The following EDN1 variants were observed in gnomAD, a reference collection of about 807,000 sequenced individuals.
The protein encoded by EDN1 is endothelin 1.
EDN1 carries 11 observed loss-of-function variants against 21.7 expected under a neutral mutation model. The ratio of observed to expected loss-of-function variants is 0.51; its 90% CI spans 0.32 to 0.84. The LOEUF (loss-of-function observed/expected upper bound fraction) is 0.84, where lower values mean the gene tolerates loss of function less well. EDN1 is among the 40% of genes least tolerant of loss of function. The pLI is 0.03. For missense variants in EDN1, 244 were observed against 262.3 expected, an observed-to-expected ratio of 0.93 and a Z score of 0.48; for synonymous variants, 85 against 90.6, an observed-to-expected ratio of 0.94 and a Z score of 0.35.
the EDN1 span, among the ~76,000 whole-genome samples, chr6:12,249,672 C>A: frequency 2.0e-5 from 3 of 151,838 alleles, no homozygotes; most frequent in Non-Finnish European, 4.4e-5. Flanking sequence ...TTCATTTCAT[C>A]ATTTTATGGC....
chr6:12,249,077 G>A, the EDN1 span, among the ~76,000 whole-genome samples: 2 of 152,144 alleles, frequency 1.3e-5, no homozygotes, highest in African/African-American at 2.4e-5. Context: ...TTAAACTTTA[G>A]TGTTTCTATG....
chr6:12,294,448 C>A, intron 4 of EDN1, 44 bp downstream of exon 4: 1 of 1,610,446 alleles, frequency 6.2e-7, no homozygotes, highest in Non-Finnish European at 8.5e-7. Context: ...TTCACAAGAA[C>A]AACTAGCCCC....
chr6:12,256,386 C>G, the EDN1 span, among the ~76,000 whole-genome samples: 2 of 151,894 alleles, frequency 1.3e-5, no homozygotes, highest in African/African-American at 4.8e-5. Flanking sequence ...CAAAAGACCC[C>G]CCGCCCCCTA....
intron 4 of EDN1, among the ~76,000 whole-genome samples, chr6:12,294,849 G>T (rs537108707): frequency 1.3e-5 from 2 of 150,618 alleles, no homozygotes; most frequent in East Asian, 3.9e-4. Context: ...TATTCAGATG[G>T]CCAAAGGAAA....
Position 12,296,162 on chromosome 6 carries a change from A to G in EDN1, c.*95A>G. 9.0e-7 allele frequency: 1 copy of G among 1,111,182 alleles called. No homozygotes were observed. Among genetic ancestry groups the G allele is most frequent in the Admixed American group, 1.7e-5 (1 of 58,788 alleles). The allele number at this position is 1,111,182 out of a possible 1,614,324, so 68.8% of individuals were successfully genotyped here. On this transcript the variant is annotated 3_prime_UTR_variant, in exon 5 of 5. Coordinates refer to ENST00000379375, the MANE Select transcript of EDN1 (RefSeq NM_001955.5). ...CCCTGGCTGGGATCAGAGCAGGAGCATCCTCTGCTGGTTCCTGACTGGCAA... is the reference window on the plus strand; with the variant it reads ...CCCTGGCTGGGATCAGAGCAGGAGCGTCCTCTGCTGGTTCCTGACTGGCAA...
chr6:12,242,445 C>T, the EDN1 span, among the ~76,000 whole-genome samples: 1 of 152,202 alleles, frequency 6.6e-6, no homozygotes, highest in Non-Finnish European at 1.5e-5. Flanking sequence ...TACTTTGTGA[C>T]TGTGTAGCCC....
At chr6:12,261,816 T>C in the EDN1 span, among the ~76,000 whole-genome samples, 1 of 152,134 alleles carries the variant, frequency 6.6e-6, no homozygotes, top group Non-Finnish European at 1.5e-5. Flanking sequence ...AGAAGACATA[T>C]GGTTACAGTT....
the EDN1 span, among the ~76,000 whole-genome samples, chr6:12,251,949 T>C: frequency 6.6e-6 from 1 of 152,190 alleles, no homozygotes. Context: ...GCTTGACTCA[T>C]ATCTCCTTGT....
chr6:12,261,256 A>C, the EDN1 span, among the ~76,000 whole-genome samples: 1 of 152,186 alleles, frequency 6.6e-6, no homozygotes, highest in Non-Finnish European at 1.5e-5. Context: ...CAAGCGACTA[A>C]AACTGAAGTA....
chr6:12,294,059 A>C lies in EDN1; in HGVS notation c.352A>C (p.Lys118Gln). Residue 118 changes from lysine (K) to glutamine (Q), a missense_variant, in exon 3 of 5, where the codon AAG becomes CAG. Coordinates refer to ENST00000379375, the MANE Select transcript of EDN1 (RefSeq NM_001955.5). ...CCAATGTGCTAGCCAAAAAGACAAG[A>C]AGTGCTGGAATTTTTGCCAAGCAGG... ...RCQCASQKDK[K>Q]CWNFCQAGKE... is the part of the protein sequence containing the mutation. 6.2e-7 allele frequency: 1 copy of C among 1,614,206 alleles called. No homozygotes were observed.
At chr6:12,249,775 G>T in the EDN1 span, among the ~76,000 whole-genome samples, 9 of 152,020 alleles carry the variant, frequency 5.9e-5, no homozygotes. Flanking sequence ...GTAAGCCTAT[G>T]GGTGTGTTAT....
chr6:12,278,488 G>C, the EDN1 span, among the ~76,000 whole-genome samples: 4 of 152,102 alleles, frequency 2.6e-5, no homozygotes, highest in African/African-American at 9.7e-5. Context: ...AACCTCTAAT[G>C]TCTGGCCACT....
upstream of EDN1, among the ~76,000 whole-genome samples, chr6:12,288,250 A>G (rs895474689): frequency 6.6e-6 from 1 of 151,736 alleles, no homozygotes; most frequent in Non-Finnish European, 1.5e-5. Context: ...TAAAAAAAAA[A>G]AAGTAGGGGG....
the EDN1 span, among the ~76,000 whole-genome samples, chr6:12,284,755 G>GAAAGAAAA: frequency 6.9e-6 from 1 of 145,640 alleles, no homozygotes; most frequent in East Asian, 2.0e-4. Flanking sequence ...AAGGAAGAAA[G>GAAAGAAAA]AAAGAAAGAA....
chr6:12,253,455 A>G, the EDN1 span, among the ~76,000 whole-genome samples: 1 of 152,200 alleles, frequency 6.6e-6, no homozygotes, highest in Non-Finnish European at 1.5e-5. Flanking sequence ...CATAGTATGA[A>G]ATCACATAAT....
At chr6:12,284,666 G>A in the EDN1 span, among the ~76,000 whole-genome samples, 1 of 135,668 alleles carries the variant, frequency 7.4e-6, no homozygotes, top group Non-Finnish European at 1.5e-5. Context: ...GAAAGAAAAA[G>A]AGAGAAAGAA....
the EDN1 span, among the ~76,000 whole-genome samples, chr6:12,258,022 T>A: frequency 6.6e-6 from 1 of 152,168 alleles, no homozygotes. Context: ...TGCAAATAAT[T>A]CTGACACGAT....
At chr6:12,257,075 T>C in the EDN1 span, among the ~76,000 whole-genome samples, 1 of 152,156 alleles carries the variant, frequency 6.6e-6, no homozygotes, top group African/African-American at 2.4e-5. Context: ...AAAAACACAT[T>C]TGATGTTGCT....
upstream of EDN1, among the ~76,000 whole-genome samples, chr6:12,290,174 C>T (rs1762635133): frequency 6.6e-6 from 1 of 152,158 alleles, no homozygotes; most frequent in Admixed American, 6.5e-5. Flanking sequence ...AATTGTCAGA[C>T]GGCGGGCGTC....
Sources: allele counts gnomAD v4.1 joint callset (sites outside exome capture counted in the v4.1 genomes callset), GRCh38; gene constraint gnomAD v4.1.1; transcripts MANE v1.5; gene names NCBI Gene and HGNC (gene_info 2026-07-23, HGNC 2026-07-21).